The following RBMS3 variants were observed in gnomAD, a reference collection of about 807,000 sequenced individuals.
RBMS3 encodes the protein RNA binding motif single stranded interacting protein 3.
RBMS3 carries 27 observed loss-of-function variants against 66.8 expected under a neutral mutation model. The observed-to-expected ratio is 0.40, with a 90% CI of 0.30 to 0.56. RBMS3 has a LOEUF of 0.56. RBMS3 is among the 20% of genes least tolerant of loss of function. RBMS3 has a pLI of 0.40. For synonymous variants in RBMS3, 188 were observed against 183.0 expected, an observed-to-expected ratio of 1.03 and a Z score of -0.22; for missense variants, 513 against 549.5, an observed-to-expected ratio of 0.93 and a Z score of 0.66.
intron 2 of RBMS3, among the ~76,000 whole-genome samples, chr3:29,442,334 T>A (rs945916520): frequency 1.3e-5 from 2 of 152,188 alleles, no homozygotes; most frequent in African/African-American, 4.8e-5. Flanking sequence ...TGATCACTCA[T>A]TTATTATTGT....
At chr3:29,607,608 T>C (rs979110089) in intron 4 of RBMS3, among the ~76,000 whole-genome samples, 3 of 152,000 alleles carry the variant, frequency 2.0e-5, no homozygotes, top group Admixed American at 1.3e-4. Context: ...AGCTGTACAA[T>C]TGGCAAAAGG....
chr3:29,994,266 C>G (rs990327596), intron 14 of RBMS3, among the ~76,000 whole-genome samples: 1 of 152,224 alleles, frequency 6.6e-6, no homozygotes, highest in Non-Finnish European at 1.5e-5. Context: ...CCGCACCTGG[C>G]TCGGAGGGTC....
chr3:29,510,448 C>T (rs9867172), intron 3 of RBMS3, among the ~76,000 whole-genome samples: 12,576 of 152,192 alleles, frequency 0.083, 906 homozygotes, highest in East Asian at 0.37. Context: ...GGGTTCCCTG[C>T]CTAGGTTAGC....
At chr3:29,780,776 A>C in intron 6 of RBMS3, among the ~76,000 whole-genome samples, 1 of 152,118 alleles carries the variant, frequency 6.6e-6, no homozygotes, top group Non-Finnish European at 1.5e-5. Flanking sequence ...AATCCTTATA[A>C]TACATCTTAT....
intron 1 of RBMS3, among the ~76,000 whole-genome samples, chr3:29,336,250 A>T (rs1257269511): frequency 6.6e-6 from 1 of 152,126 alleles, no homozygotes. Flanking sequence ...TTAGGAGTGG[A>T]TGTACTTTTG....
Position 29,994,319 on chromosome 3 carries a change from A to G in RBMS3, c.1307+3110A>G, listed in dbSNP as rs576784979. ...CGCTGATTGCTAGCACAGCAGTCTG[A>G]GATCAAACTGCAAGGCGGCAGTGAG... On this transcript the variant is annotated intron_variant, in intron 14 of 14. Coordinates refer to ENST00000383767, the MANE Select transcript of RBMS3 (RefSeq NM_001003793.3). Among the ~76,000 whole-genome samples the G allele has an allele frequency of 1.7e-4, 26 of 152,304 alleles. No homozygotes were observed. The South Asian group carries it at 5.2e-3, about 30-fold the overall frequency.
chr3:29,291,255 G>C (rs149378856), intron 1 of RBMS3, among the ~76,000 whole-genome samples: 77 of 152,028 alleles, frequency 5.1e-4, no homozygotes, highest in African/African-American at 1.9e-3. Context: ...AAGATGGTCA[G>C]AGCATCTAAA....
intron 1 of RBMS3, among the ~76,000 whole-genome samples, chr3:29,299,006 G>A (rs1232483018): frequency 6.6e-6 from 1 of 151,794 alleles, no homozygotes; most frequent in Non-Finnish European, 1.5e-5. Context: ...AAACAGGGAG[G>A]ACTCATGAAC....
intron 5 of RBMS3, among the ~76,000 whole-genome samples, chr3:29,754,610 G>C (rs991089943): frequency 3.3e-5 from 5 of 152,168 alleles, no homozygotes; most frequent in African/African-American, 1.2e-4. Flanking sequence ...TCCCACCTGA[G>C]TCACCAAAAT....
At chr3:29,362,193 T>A (rs2125583754) in intron 1 of RBMS3, among the ~76,000 whole-genome samples, 1 of 152,322 alleles carries the variant, frequency 6.6e-6, no homozygotes, top group South Asian at 2.1e-4. Context: ...CTACCTTTGG[T>A]CTTTGATGAT....
At chr3:29,361,649 A>G (rs1326177166) in intron 1 of RBMS3, among the ~76,000 whole-genome samples, 1 of 152,200 alleles carries the variant, frequency 6.6e-6, no homozygotes, top group Non-Finnish European at 1.5e-5. Flanking sequence ...GTGTTTTCCA[A>G]CTTGGTTCCA....
intron 2 of RBMS3, among the ~76,000 whole-genome samples, chr3:29,463,395 G>A (rs1409312916): frequency 6.6e-6 from 1 of 152,166 alleles, no homozygotes; most frequent in Non-Finnish European, 1.5e-5. Context: ...TGAGAAGGTT[G>A]AGGTAAATAT....
At position 29,863,665 on chromosome 3, in the gene RBMS3, T is replaced by G. The variant is rs188371381; in HGVS notation, c.638-5193T>G. 5.1e-4 allele frequency among the ~76,000 whole-genome samples: 77 copies of G among 152,270 alleles called. No individual in the cohort carries two copies. In the Middle Eastern group the frequency reaches 0.024, roughly 47 times the overall value. ...AAGACAGTGCACAAAGAGATCTTAGTTGAAAGCTAAGAAAATCTCACCCTA... is the reference window on the plus strand; with the variant it reads ...AAGACAGTGCACAAAGAGATCTTAGGTGAAAGCTAAGAAAATCTCACCCTA... On this transcript the variant is annotated intron_variant, in intron 6 of 14. Transcript: ENST00000383767.
intron 1 of RBMS3, among the ~76,000 whole-genome samples, chr3:29,387,118 T>A (rs2039045091): frequency 6.6e-6 from 1 of 152,180 alleles, no homozygotes; most frequent in Non-Finnish European, 1.5e-5. Context: ...TTATCTTCAC[T>A]CATTTCTTTA....
At chr3:29,757,829 C>T (rs1285983223) in intron 5 of RBMS3, among the ~76,000 whole-genome samples, 2 of 152,186 alleles carry the variant, frequency 1.3e-5, no homozygotes, top group Non-Finnish European at 1.5e-5. Context: ...TGGTATATTA[C>T]TATTAACTAA....
intron 6 of RBMS3, among the ~76,000 whole-genome samples, chr3:29,805,776 T>G (rs2057527541): frequency 6.6e-6 from 1 of 152,040 alleles, no homozygotes; most frequent in South Asian, 2.1e-4. Context: ...TTAAAAAGAT[T>G]AAGTTTATAA....
intron 1 of RBMS3, among the ~76,000 whole-genome samples, chr3:29,296,854 C>T (rs1335608541): frequency 6.6e-6 from 1 of 150,994 alleles, no homozygotes; most frequent in African/African-American, 2.4e-5. Flanking sequence ...GGAGTTTTTC[C>T]TTCCCAAGGA....
intron 3 of RBMS3, among the ~76,000 whole-genome samples, chr3:29,555,767 G>A (rs2046337447): frequency 6.6e-6 from 1 of 152,090 alleles, no homozygotes; most frequent in Non-Finnish European, 1.5e-5. Context: ...CCTCAACTTT[G>A]TTCTCACTCA....
chr3:29,561,860 C>T lies in RBMS3; in HGVS notation c.308-25254C>T, dbSNP rs113836126. 2.6e-3 allele frequency among the ~76,000 whole-genome samples: 402 copies of T among 152,262 alleles called. 3 individuals carry two copies. Among genetic ancestry groups the T allele is most frequent in the African/African-American group, 9.4e-3 (390 of 41,572 alleles). The stretch of plus-strand genomic sequence containing the variant: ...GCTTTTTGCATGTGATTTTTGGCCA[C>T]ATGTATTTCTTCTTTTGAGAAATGT... On this transcript the variant is annotated intron_variant, in intron 3 of 14. Coordinates refer to ENST00000383767, the MANE Select transcript of RBMS3 (RefSeq NM_001003793.3).
Sources: gnomAD v4.1 joint callset for allele counts (sites outside exome capture counted in the v4.1 genomes callset) on GRCh38, gnomAD v4.1.1 for gene constraint, MANE v1.5 for transcripts, NCBI Gene and HGNC (gene_info 2026-07-23, HGNC 2026-07-21) for gene names.